SLC7A2: variants seen among roughly 807,000 people sequenced by gnomAD.
SLC7A2 encodes the protein cationic amino acid transporter 2.
In SLC7A2, 48 loss-of-function variants were observed where a neutral mutation model predicts 58.9. The observed-to-expected ratio is 0.82, with a 90% confidence interval of 0.65 to 1.04. The LOEUF (loss-of-function observed/expected upper bound fraction) is 1.04, where lower values mean the gene tolerates loss of function less well. Among genes scored for constraint, SLC7A2 ranks in the 50% least tolerant of loss-of-function variants. The pLI, the probability that SLC7A2 is intolerant of heterozygous loss-of-function variation, is 0.00. For missense variants in SLC7A2, 1,029 were observed against 818.8 expected, an observed-to-expected ratio of 1.26 and a Z score of -3.13; for synonymous variants, 363 against 314.5, an observed-to-expected ratio of 1.15 and a Z score of -1.63.
intron 2 of SLC7A2, among the ~76,000 whole-genome samples, chr8:17,505,853 G>C (rs1800343987): frequency 6.6e-6 from 1 of 152,082 alleles, no homozygotes; most frequent in Non-Finnish European, 1.5e-5. Context: ...TCATACTAAA[G>C]ACCAGTGGAA....
intron 2 of SLC7A2, among the ~76,000 whole-genome samples, chr8:17,505,993 G>A (rs1585180649): frequency 6.6e-6 from 1 of 152,218 alleles, no homozygotes; most frequent in East Asian, 1.9e-4. Context: ...GAATTTTAAT[G>A]CTGATTTAGC....
intron 2 of SLC7A2, among the ~76,000 whole-genome samples, chr8:17,513,200 A>C (rs985729593): frequency 3.3e-5 from 5 of 152,086 alleles, no homozygotes; most frequent in African/African-American, 1.2e-4. Flanking sequence ...ATCATATATT[A>C]ATTCTGTTTT....
intron 2 of SLC7A2, among the ~76,000 whole-genome samples, chr8:17,515,268 ATTTGATTGCC>A (rs1232709627): frequency 1.3e-5 from 2 of 149,146 alleles, no homozygotes; most frequent in African/African-American, 2.5e-5. Context: ...CTGTGAATTT[ATTTGATTGCC>A]TTTGATTGCC....
chr8:17,505,357 G>C (rs987671826), intron 2 of SLC7A2, among the ~76,000 whole-genome samples: 10 of 152,152 alleles, frequency 6.6e-5, no homozygotes, highest in Admixed American at 5.9e-4. Flanking sequence ...CTTTCCTCTT[G>C]CTGAAGAAGA....
chr8:17,560,490 A>C lies in SLC7A2; in HGVS notation c.1461A>C (p.Thr487=), dbSNP rs772243781. ...RTLFCPSLLP[T]QQSASLVSFL... ...TCTTCTGCCCCTCCCTTCTGCCAAC[A>C]CAGCAGTCAGCTTCTCTCGTGAGCT... The change falls in exon 10 of 13, where the codon ACA becomes ACC. Residue 487 remains threonine, a synonymous_variant. Coordinates refer to ENST00000494857, the MANE Select transcript of SLC7A2 (RefSeq NM_001370338.1). 3 of 1,613,918 alleles carry C rather than the reference A, an allele frequency of 1.9e-6. No homozygotes were observed. Among genetic ancestry groups the C allele is most frequent in the South Asian group, 2.2e-5 (2 of 91,070 alleles).
chr8:17,551,698 C>T (rs974588287), intron 6 of SLC7A2, 66 bp from the exon 7 acceptor site: 8 of 1,196,982 alleles, frequency 6.7e-6, no homozygotes, highest in Admixed American at 3.4e-5. Context: ...GAATTTCACA[C>T]AATTTAATTT....
chr8:17,522,220 A>G (rs1048618700), intron 2 of SLC7A2, among the ~76,000 whole-genome samples: 20 of 152,200 alleles, frequency 1.3e-4, no homozygotes, highest in African/African-American at 4.3e-4. Context: ...AGAGAATGAG[A>G]ACCAAGTAAA....
chr8:17,521,888 A>G (rs1801029044), intron 2 of SLC7A2, among the ~76,000 whole-genome samples: 1 of 152,190 alleles, frequency 6.6e-6, no homozygotes, highest in African/African-American at 2.4e-5. Context: ...AGCCACTTCC[A>G]CAGGGAGCTG....
intron 2 of SLC7A2, among the ~76,000 whole-genome samples, chr8:17,522,309 C>A (rs1302434398): frequency 6.6e-6 from 1 of 152,038 alleles, no homozygotes; most frequent in East Asian, 1.9e-4. Flanking sequence ...GAAACTAGCC[C>A]CATGATTCAG....
In SLC7A2 at chr8:17,522,912, C is replaced by T. The variant is rs915340855; in HGVS notation, c.-22-20406C>T. 1.1e-4 allele frequency among the ~76,000 whole-genome samples: 17 copies of T among 151,834 alleles called. No homozygotes were observed. The East Asian group carries it at 1.5e-3, about 14-fold the overall frequency. On this transcript the variant is annotated intron_variant, in intron 2 of 12. Coordinates refer to ENST00000494857, the MANE Select transcript of SLC7A2 (RefSeq NM_001370338.1). Reference sequence around the variant, plus strand: ...ATTAGCTGGGCATGGAGGGTGCCCCCGTATCCCAGCTACTTGGGAGGCTGA... The same window carrying T: ...ATTAGCTGGGCATGGAGGGTGCCCCTGTATCCCAGCTACTTGGGAGGCTGA...
chr8:17,543,463 C>T lies in SLC7A2; in HGVS notation c.124C>T (p.Leu42=), dbSNP rs1322709344. ...CTTATCCACCATGGACCTCATTGCC[C>T]TGGGCGTTGGAAGCACCCTTGGGGC... ...RCLSTMDLIA[L]GVGSTLGAGV... The change falls in exon 3 of 13, where the codon CTG becomes TTG. Residue 42 remains leucine, a synonymous_variant. Transcript: ENST00000494857. 6.2e-7 allele frequency: 1 copy of T among 1,614,058 alleles called. No homozygotes were observed. The highest frequency in any genetic ancestry group is 1.7e-5 in the Admixed American group (1 of 60,010).
chr8:17,525,728 G>C (rs1470993262), intron 2 of SLC7A2, among the ~76,000 whole-genome samples: 1 of 152,204 alleles, frequency 6.6e-6, no homozygotes, highest in Non-Finnish European at 1.5e-5. Context: ...GTGCTAGAGA[G>C]GTAGATGATG....
intron 4 of SLC7A2, 41 bp downstream of exon 4, chr8:17,544,647 C>T (rs751485880): frequency 6.4e-7 from 1 of 1,572,832 alleles, no homozygotes; most frequent in South Asian, 1.2e-5. Context: ...ATGAGCCACA[C>T]TATTTGTCTC....
chr8:17,498,816 C>A (rs1405523939), intron 1 of SLC7A2: 1 of 152,174 alleles, frequency 6.6e-6, no homozygotes, highest in Non-Finnish European at 1.5e-5. Flanking sequence ...TCCAGAATCT[C>A]TGATCATTCC....
chr8:17,539,263 A>G (rs1419891094), intron 2 of SLC7A2, among the ~76,000 whole-genome samples: 1 of 152,150 alleles, frequency 6.6e-6, no homozygotes, highest in African/African-American at 2.4e-5. Flanking sequence ...GCTTTTTGGC[A>G]AGAATTAATA....
chr8:17,537,330 G>A (rs925816693), intron 2 of SLC7A2, among the ~76,000 whole-genome samples: 1 of 152,160 alleles, frequency 6.6e-6, no homozygotes, highest in Non-Finnish European at 1.5e-5. Context: ...GGGATTACAG[G>A]CATGAGCCAC....
Position 17,558,291 on chromosome 8 carries a change from C to T in SLC7A2, c.1196-4C>T, listed in dbSNP as rs374109390. 4.2e-5 allele frequency: 67 copies of T among 1,604,808 alleles called. No individual in the cohort carries two copies. The African/African-American group carries it at 7.6e-4, about 18-fold the overall frequency. On this transcript the variant is annotated splice_region_variant and splice_polypyrimidine_tract_variant and intron_variant, in intron 8 of 12. Transcript: ENST00000494857. ...ACTTCACCGTTCTTTTCTTCTCCCC[C>T]TAGCTTTGATGGCCTTTCTGTTTGA...
intron 11 of SLC7A2, 92 bp downstream of exon 11, chr8:17,562,202 T>A (rs1803045118): frequency 5.8e-6 from 2 of 342,024 alleles, no homozygotes; most frequent in Non-Finnish European, 9.6e-6. Flanking sequence ...TTTTTTTTTT[T>A]TTTTTTTTTT....
In SLC7A2 at chr8:17,567,860, G is replaced by A. The variant is rs2150795466; in HGVS notation, c.*2714G>A. 6.6e-6 allele frequency: 1 copy of A among 152,288 alleles called. No individual in the cohort carries two copies. The highest frequency in any genetic ancestry group is 2.4e-5 in the African/African-American group (1 of 41,550). The allele number at this position is 152,288 out of a possible 1,614,324, so 9.4% of individuals were successfully genotyped here. Reference sequence around the variant, plus strand: ...TAGCAGGTGCTTTGTAATCTGGAATGGAGAAGAGGTAGGGGCATTTGGGGA... The same window carrying A: ...TAGCAGGTGCTTTGTAATCTGGAATAGAGAAGAGGTAGGGGCATTTGGGGA... On this transcript the variant is annotated 3_prime_UTR_variant, in exon 13 of 13. Coordinates refer to ENST00000494857, the MANE Select transcript of SLC7A2 (RefSeq NM_001370338.1).
Sources: allele counts gnomAD v4.1 joint callset (sites outside exome capture counted in the v4.1 genomes callset), GRCh38; gene constraint gnomAD v4.1.1; transcripts MANE v1.5; gene names NCBI Gene and HGNC (gene_info 2026-07-23, HGNC 2026-07-21).